The following PPP1R36 variants were observed in gnomAD, a reference collection of about 807,000 sequenced individuals.
PPP1R36 encodes chromosome 14 open reading frame 50.
Under a neutral mutation model 53.4 loss-of-function variants are expected in PPP1R36, and 47 were observed. The observed-to-expected ratio is 0.88, with a 90% CI of 0.70 to 1.12. The LOEUF (loss-of-function observed/expected upper bound fraction) is 1.12. Among genes scored for constraint, PPP1R36 ranks in the 50% most tolerant of loss-of-function variants. The pLI, the probability that PPP1R36 is intolerant of heterozygous loss-of-function variation, is 0.00. For missense variants in PPP1R36, 456 were observed against 513.9 expected (o/e 0.89, Z 1.09); for synonymous variants, 153 against 170.5 (o/e 0.90, Z 0.80).
chr14:64,561,399 T>C (rs1001450070), intron 3 of PPP1R36, among the ~76,000 whole-genome samples: 1 of 152,306 alleles, frequency 6.6e-6, no homozygotes, highest in Middle Eastern at 3.4e-3. Flanking sequence ...GGGATGACTA[T>C]TAGAATACAA....
intron 4 of PPP1R36, among the ~76,000 whole-genome samples, chr14:64,565,092 A>C (rs2080238779): frequency 6.6e-6 from 1 of 152,242 alleles, no homozygotes; most frequent in Non-Finnish European, 1.5e-5. Context: ...TGATAGGTAC[A>C]CCAGAACAGA....
chr14:64,576,176 G>A (rs1596741230), intron 8 of PPP1R36, among the ~76,000 whole-genome samples: 2 of 148,914 alleles, frequency 1.3e-5, no homozygotes, highest in South Asian at 4.3e-4. Flanking sequence ...TGCCTCCCAG[G>A]TTCAAGTGAT....
At chr14:64,551,344 C>A (rs2080092477) in intron 2 of PPP1R36, among the ~76,000 whole-genome samples, 1 of 152,110 alleles carries the variant, frequency 6.6e-6, no homozygotes, top group South Asian at 2.1e-4. Context: ...TTTACAGAGT[C>A]CATGTTTTTA....
intron 3 of PPP1R36, among the ~76,000 whole-genome samples, chr14:64,556,505 C>T (rs1282459454): frequency 1.3e-5 from 2 of 151,514 alleles, no homozygotes; most frequent in Non-Finnish European, 2.9e-5. Flanking sequence ...CTCACACCTG[C>T]GATCTTAGCA....
At chr14:64,565,240 A>C in intron 4 of PPP1R36, 117 bp from the exon 5 acceptor site, 1 of 656,230 alleles carries the variant, frequency 1.5e-6, no homozygotes. Context: ...AACAAAACCC[A>C]TGTATGACAC....
intron 10 of PPP1R36, 22 bp from the exon 11 acceptor site, chr14:64,588,082 A>G: frequency 6.3e-7 from 1 of 1,578,550 alleles, no homozygotes; most frequent in Non-Finnish European, 8.6e-7. Flanking sequence ...TATGACCTAA[A>G]TGTCACCTTC....
Position 64,553,839 on chromosome 14 carries a change from A to C in PPP1R36, c.182+978A>C, listed in dbSNP as rs555363114. 8.0e-5 allele frequency among the ~76,000 whole-genome samples: 12 copies of C among 150,926 alleles called. 1 individual carries two copies. The East Asian group carries it at 1.4e-3, about 17-fold the overall frequency. On this transcript the variant is annotated intron_variant, in intron 3 of 11. Coordinates refer to ENST00000298705, the MANE Select transcript of PPP1R36 (RefSeq NM_172365.3). ...AGTTATAACTAAAAAAAAAAAAAAA[A>C]AACAACAACTCCAAACCCCGGACTA...
chr14:64,587,917 AT>A (rs1471358919), intron 10 of PPP1R36, among the ~76,000 whole-genome samples, 186 bp from the exon 11 acceptor site: 1 of 151,576 alleles, frequency 6.6e-6, no homozygotes, highest in Non-Finnish European at 1.5e-5. Context: ...ACTTTTTAAA[AT>A]TTTTTGTAGA....
chr14:64,554,578 T>C (rs2080131957), intron 3 of PPP1R36, among the ~76,000 whole-genome samples: 1 of 152,246 alleles, frequency 6.6e-6, no homozygotes, highest in African/African-American at 2.4e-5. Flanking sequence ...GAGACAGTGC[T>C]ACTGGAGACT....
At chr14:64,555,455 T>G (rs776783199) in intron 3 of PPP1R36, among the ~76,000 whole-genome samples, 3 of 152,254 alleles carry the variant, frequency 2.0e-5, no homozygotes, top group Non-Finnish European at 4.4e-5. Context: ...GTATTTTATT[T>G]TCATGTGGAA....
intron 10 of PPP1R36, among the ~76,000 whole-genome samples, chr14:64,587,681 C>T (rs908564330): frequency 6.6e-6 from 1 of 151,762 alleles, no homozygotes; most frequent in Admixed American, 6.6e-5. Context: ...AAGCTGATCT[C>T]GAACTCCTAA....
In PPP1R36 at chr14:64,550,911, C is replaced by T. The variant is rs1267233839; in HGVS notation, c.70-10C>T. 7 of 1,597,158 alleles carry T rather than the reference C, an allele frequency of 4.4e-6. No individual in the cohort carries two copies. Among genetic ancestry groups the T allele is most frequent in the Middle Eastern group, 1.7e-4 (1 of 6,002 alleles). On this transcript the variant is annotated splice_polypyrimidine_tract_variant and intron_variant, in intron 1 of 11. Coordinates refer to ENST00000298705, the MANE Select transcript of PPP1R36 (RefSeq NM_172365.3). ...TTAATTATTTTTGCTGCAATCATTT[C>T]GTTTTACAGCAGTTGGGATTACGAT...
intron 3 of PPP1R36, among the ~76,000 whole-genome samples, chr14:64,553,779 G>T (rs1452263937): frequency 7.2e-6 from 1 of 138,202 alleles, no homozygotes; most frequent in African/African-American, 2.7e-5. Flanking sequence ...TCATCACGCT[G>T]CACACTTTAA....
rs779346439 is a variant in PPP1R36 at position 64,587,327 on chromosome 14, A to T, written c.845A>T (p.Glu282Val). ...FNIPRRRRED[E>V]ESGGEKKRMT... ...ATTCCTCGCAGGAGGCGTGAAGATG[A>T]GGAATCAGGAGGGGAAAAGAAACGC... Residue 282 changes from glutamate to valine, a missense_variant, in exon 10 of 12, where the codon GAG becomes GTG. Glu to Val is a moderately radical substitution (Grantham distance 121, BLOSUM62 -2). Transcript: ENST00000298705. 1 of 1,613,728 alleles carries T rather than the reference A, an allele frequency of 6.2e-7. No homozygotes were observed. Among genetic ancestry groups the T allele is most frequent in the South Asian group, 1.1e-5 (1 of 91,016 alleles).
At chr14:64,558,737 G>T (rs188758760) in intron 3 of PPP1R36, among the ~76,000 whole-genome samples, 1 of 151,864 alleles carries the variant, frequency 6.6e-6, no homozygotes, top group Non-Finnish European at 1.5e-5. Context: ...CTGGGTTCAA[G>T]GGGTTCTCTT....
intron 2 of PPP1R36, chr14:64,551,576 A>G (rs2080094034): frequency 2.2e-6 from 1 of 456,218 alleles, no homozygotes; most frequent in South Asian, 1.5e-5. Flanking sequence ...ATATTTGCAT[A>G]TTTTTCCAAT....
intron 11 of PPP1R36, among the ~76,000 whole-genome samples, chr14:64,588,894 A>T (rs1364997937): frequency 6.6e-6 from 1 of 152,036 alleles, no homozygotes; most frequent in Non-Finnish European, 1.5e-5. Context: ...AGGTTTTTCT[A>T]TTAGTAGAAT....
chr14:64,576,840 T>C (rs1001756361), intron 8 of PPP1R36, among the ~76,000 whole-genome samples: 3 of 152,204 alleles, frequency 2.0e-5, no homozygotes, highest in African/African-American at 4.8e-5. Flanking sequence ...AGTTCTGTTA[T>C]GGAGTTGACA....
At chr14:64,567,048 T>C (rs749847590) in intron 6 of PPP1R36, among the ~76,000 whole-genome samples, 5 of 152,254 alleles carry the variant, frequency 3.3e-5, no homozygotes, top group Non-Finnish European at 7.3e-5. Flanking sequence ...AACTGTTCAC[T>C]TTCAAGTATT....
Sources: gnomAD v4.1 joint callset for allele counts (sites outside exome capture counted in the v4.1 genomes callset) on GRCh38, gnomAD v4.1.1 for gene constraint, MANE v1.5 for transcripts, NCBI Gene and HGNC (gene_info 2026-07-23, HGNC 2026-07-21) for gene names.